The following NRCAM variants were observed in gnomAD, a reference collection of about 807,000 sequenced individuals.
NRCAM encodes NgCAM-related cell adhesion molecule.
Under a neutral mutation model 156.5 loss-of-function variants are expected in NRCAM, and 83 were observed. The ratio of observed to expected loss-of-function variants is 0.53; its 90% CI spans 0.44 to 0.64. The LOEUF (loss-of-function observed/expected upper bound fraction) is 0.64, where lower values mean the gene tolerates loss of function less well. NRCAM is among the 30% of genes least tolerant of loss of function. NRCAM has a pLI of 0.00. For synonymous variants in NRCAM, 538 were observed against 563.9 expected, an observed-to-expected ratio of 0.95 and a Z score of 0.65; for missense variants, 1,417 against 1,597.3, an observed-to-expected ratio of 0.89 and a Z score of 1.92.
chr7:108,437,815 C>T (rs1015933425), intron 1 of NRCAM, among the ~76,000 whole-genome samples: 8 of 151,782 alleles, frequency 5.3e-5, no homozygotes, highest in African/African-American at 1.9e-4. Context: ...ACAATAATAG[C>T]ATAAAAGAGT....
intron 13 of NRCAM, among the ~76,000 whole-genome samples, chr7:108,203,143 C>T (rs966962128): frequency 6.6e-6 from 1 of 152,182 alleles, no homozygotes; most frequent in Non-Finnish European, 1.5e-5. Flanking sequence ...CCCATCCTGC[C>T]AATAGCAAGT....
In NRCAM at chr7:108,150,152, A is replaced by G; in HGVS notation, c.3678-5T>C. 6.3e-7 allele frequency: 1 copy of G among 1,583,076 alleles called. No individual in the cohort carries two copies. Among genetic ancestry groups the G allele is most frequent in the Non-Finnish European group, 8.5e-7 (1 of 1,170,354 alleles). On this transcript the variant is annotated splice_polypyrimidine_tract_variant and splice_region_variant and intron_variant, in intron 32 of 32. Transcript: ENST00000379028. ...GGCTTGTGGTCTTCTGCATCACTGGAAGAAAGAGAAAACATTTTTGTCAAG... is the reference window on the plus strand; with the variant it reads ...GGCTTGTGGTCTTCTGCATCACTGGGAGAAAGAGAAAACATTTTTGTCAAG...
chr7:108,447,259 CTTTTTTT>C (rs34273772), intron 1 of NRCAM, among the ~76,000 whole-genome samples: 8,957 of 84,360 alleles, frequency 0.11, 337 homozygotes, highest in Middle Eastern at 0.15. Context: ...TCACTTCTTT[CTTTTTTT>C]TTTTTTTTTT....
chr7:108,249,016 T>A (rs529964384), intron 3 of NRCAM, among the ~76,000 whole-genome samples: 2 of 152,314 alleles, frequency 1.3e-5, no homozygotes, highest in East Asian at 3.9e-4. Flanking sequence ...AGCTACCTCC[T>A]CTGTCTTCCT....
At chr7:108,252,772 T>C (rs1443258280) in intron 3 of NRCAM, among the ~76,000 whole-genome samples, 1 of 152,230 alleles carries the variant, frequency 6.6e-6, no homozygotes, top group Non-Finnish European at 1.5e-5. Flanking sequence ...GGAAAAACGG[T>C]CACATTTGAA....
intron 1 of NRCAM, among the ~76,000 whole-genome samples, chr7:108,431,078 T>G (rs1824480613): frequency 6.6e-6 from 1 of 152,202 alleles, no homozygotes. Context: ...GCCACCATCT[T>G]TCACTTTTTC....
chr7:108,316,197 G>T (rs2098917825), intron 2 of NRCAM, among the ~76,000 whole-genome samples: 1 of 152,088 alleles, frequency 6.6e-6, no homozygotes, highest in Admixed American at 6.5e-5. Context: ...TCACAAGAGT[G>T]GATTTGTCAT....
Position 108,207,010 on chromosome 7 carries a change from T to C in NRCAM, c.1207+518A>G, listed in dbSNP as rs114658592. Among the ~76,000 whole-genome samples, 653 of 152,316 alleles carry C rather than the reference T, an allele frequency of 4.3e-3. 6 individuals carry two copies. The highest frequency in any genetic ancestry group is 0.015 in the African/African-American group (618 of 41,568). ...ACGATCAGGGTCAGAGGATGTGTTC[T>C]TCTTTGGGTATCAAATGGGACGGTG... On this transcript the variant is annotated intron_variant, in intron 13 of 32. Coordinates refer to ENST00000379028, the MANE Select transcript of NRCAM (RefSeq NM_001037132.4).
At chr7:108,256,074 T>A (rs1375801080) in intron 3 of NRCAM, among the ~76,000 whole-genome samples, 1 of 151,748 alleles carries the variant, frequency 6.6e-6, no homozygotes, top group Non-Finnish European at 1.5e-5. Context: ...GGCCGCCCCT[T>A]CTGGGAAGTG....
upstream of NRCAM, chr7:108,456,525 G>C (rs1857568871): frequency 6.6e-6 from 1 of 151,550 alleles, no homozygotes; most frequent in Non-Finnish European, 1.5e-5. Flanking sequence ...GCTCTCCTTA[G>C]CGTCCTCCCG....
In NRCAM at chr7:108,168,355, C is replaced by T. The variant is rs1304873211; in HGVS notation, c.3235G>A (p.Glu1079Lys). ...TCCCAACTGATATTGGCATAGGTCT[C>T]AGCAGCTGCAGCAGTAAGATTGCTG... ...RISNLTAAAA[E>K]TYANISWEYE... Residue 1079 changes from glutamate (E) to lysine (K), a missense_variant, in exon 29 of 33, where the codon GAG becomes AAG. Coordinates refer to ENST00000379028, the MANE Select transcript of NRCAM (RefSeq NM_001037132.4). The T allele has an allele frequency of 3.1e-6, 5 of 1,608,032 alleles. No homozygotes were observed.
chr7:108,270,877 A>C (rs1205940706), intron 3 of NRCAM, among the ~76,000 whole-genome samples: 1 of 152,220 alleles, frequency 6.6e-6, no homozygotes, highest in African/African-American at 2.4e-5. Flanking sequence ...GAAAGAATGG[A>C]GAGTTCAGAG....
At chr7:108,422,601 T>C (rs953114395) in intron 1 of NRCAM, among the ~76,000 whole-genome samples, 15 of 152,106 alleles carry the variant, frequency 9.9e-5, no homozygotes, top group Non-Finnish European at 1.8e-4. Flanking sequence ...TAAAGATACA[T>C]TTTAAAGTAT....
At chr7:108,332,246 A>C (rs527427868) in intron 2 of NRCAM, among the ~76,000 whole-genome samples, 2 of 152,354 alleles carry the variant, frequency 1.3e-5, no homozygotes, top group Admixed American at 6.5e-5. Flanking sequence ...TAATTTACTG[A>C]TAGGCAAAAT....
chr7:108,234,456 C>G (rs1438454937), intron 6 of NRCAM, 127 bp downstream of exon 6: 3 of 637,182 alleles, frequency 4.7e-6, no homozygotes, highest in Non-Finnish European at 8.3e-6. Context: ...TGAGAAATAT[C>G]CAACTGAAAA....
chr7:108,173,130 C>G (rs531758963), intron 28 of NRCAM, among the ~76,000 whole-genome samples: 3 of 151,718 alleles, frequency 2.0e-5, no homozygotes, highest in African/African-American at 4.8e-5. Flanking sequence ...GGATTACAGG[C>G]GCCCAACAAC....
chr7:108,222,442 G>A (rs1418703339), intron 11 of NRCAM, among the ~76,000 whole-genome samples: 1 of 152,098 alleles, frequency 6.6e-6, no homozygotes, highest in African/African-American at 2.4e-5. Context: ...TGTCATTTGT[G>A]GGAAAAGAAG....
chr7:108,331,650 A>G lies in NRCAM; in HGVS notation c.-173-18919T>C, dbSNP rs571379066. On this transcript the variant is annotated intron_variant, in intron 2 of 32. Transcript: ENST00000379028. ...GGCACATAGCAGATGCTATGTAAGTATTTCTTTTAAATAAATAGAAATAAA... is the reference window on the plus strand; with the variant it reads ...GGCACATAGCAGATGCTATGTAAGTGTTTCTTTTAAATAAATAGAAATAAA... Among the ~76,000 whole-genome samples the G allele has an allele frequency of 2.7e-3, 407 of 152,336 alleles. 4 individuals carry two copies. The highest frequency in any genetic ancestry group is 9.2e-3 in the African/African-American group (382 of 41,584).
intron 3 of NRCAM, among the ~76,000 whole-genome samples, chr7:108,278,575 A>G (rs1312653448): frequency 2.6e-5 from 4 of 151,686 alleles, no homozygotes; most frequent in Admixed American, 2.6e-4. Flanking sequence ...CAGGCACAGG[A>G]GGTAATCTGG....
Sources: gnomAD v4.1 joint callset for allele counts (sites outside exome capture counted in the v4.1 genomes callset) on GRCh38, gnomAD v4.1.1 for gene constraint, MANE v1.5 for transcripts, NCBI Gene and HGNC (gene_info 2026-07-23, HGNC 2026-07-21) for gene names.